The following ADARB2 variants were observed in gnomAD, a reference collection of about 807,000 sequenced individuals.
ADARB2 encodes the protein inactive double-stranded RNA-specific editase B2.
In ADARB2, 25 loss-of-function variants were observed where a neutral mutation model predicts 62.2. The ratio of observed to expected loss-of-function variants is 0.40; its 90% CI spans 0.29 to 0.56. ADARB2 has a LOEUF of 0.56. Ranked by LOEUF, ADARB2 falls within the 20% of genes least tolerant of loss-of-function variation. The pLI is 0.43. For missense variants in ADARB2, 1,071 were observed against 1,077.4 expected (o/e 0.99, Z 0.08); for synonymous variants, 572 against 500.8 (o/e 1.14, Z -1.90).
At chr10:1,240,486 T>G (rs1359719632) in intron 5 of ADARB2, 1 of 152,408 alleles carries the variant, frequency 6.6e-6, no homozygotes, top group Non-Finnish European at 1.5e-5. Context: ...AGACATTTTC[T>G]CCACAGGAAG....
intron 3 of ADARB2, among the ~76,000 whole-genome samples, chr10:1,347,959 GAGAC>G (rs1314097261): frequency 9.9e-5 from 15 of 152,024 alleles, no homozygotes; most frequent in African/African-American, 2.2e-4. Flanking sequence ...GGGGTGGAGA[GAGAC>G]AGACAGAGAC....
Position 1,248,349 on chromosome 10 carries a change from T to C in ADARB2, c.1193-6050A>G, listed in dbSNP as rs1831006223. ...GCAAGGGCGTGCAACGTGTCAGTCA[T>C]GAGCTGTGGGCACTCACAGGCGTGC... On this transcript the variant is annotated intron_variant, in intron 4 of 9. Transcript: ENST00000381312. Among the ~76,000 whole-genome samples the C allele has an allele frequency of 2.0e-5, 3 of 150,540 alleles. 1 individual carries two copies. Among genetic ancestry groups the C allele is most frequent in the Non-Finnish European group, 4.4e-5 (3 of 67,788 alleles).
chr10:1,253,942 C>T (rs1392081558), intron 4 of ADARB2, among the ~76,000 whole-genome samples: 1 of 148,002 alleles, frequency 6.8e-6, no homozygotes. Flanking sequence ...GCGATGGGCT[C>T]TGGGTTAGGA....
intron 1 of ADARB2, among the ~76,000 whole-genome samples, chr10:1,708,794 C>T (rs1834920395): frequency 6.6e-6 from 1 of 152,224 alleles, no homozygotes; most frequent in Non-Finnish European, 1.5e-5. Context: ...ACGTCACCAT[C>T]ACATATGAAA....
chr10:1,389,941 T>A (rs2892335), intron 1 of ADARB2, among the ~76,000 whole-genome samples: 3 of 151,842 alleles, frequency 2.0e-5, no homozygotes, highest in African/African-American at 7.3e-5. Context: ...CCACCTCCAC[T>A]TCTAGATATT....
chr10:1,533,655 A>G (rs1029730183), intron 1 of ADARB2, among the ~76,000 whole-genome samples: 1 of 152,210 alleles, frequency 6.6e-6, no homozygotes, highest in Non-Finnish European at 1.5e-5. Flanking sequence ...AGGATGAGTT[A>G]ATGATTTCTG....
intron 1 of ADARB2, among the ~76,000 whole-genome samples, chr10:1,616,403 T>C (rs1833635383): frequency 6.6e-6 from 1 of 152,040 alleles, no homozygotes; most frequent in Non-Finnish European, 1.5e-5. Flanking sequence ...TGCTGAGCTC[T>C]GCATCCTGGG....
At chr10:1,473,414 ACT>A (rs370575309) in intron 1 of ADARB2, among the ~76,000 whole-genome samples, 39 of 151,240 alleles carry the variant, frequency 2.6e-4, no homozygotes, top group Admixed American at 7.9e-4. Flanking sequence ...ACAGGGCCTC[ACT>A]CTGTTGCTCG....
chr10:1,481,427 G>A (rs1251877714), intron 1 of ADARB2, among the ~76,000 whole-genome samples: 1 of 152,190 alleles, frequency 6.6e-6, no homozygotes, highest in Non-Finnish European at 1.5e-5. Flanking sequence ...AAAAGCATAG[G>A]TGATGAAAGA....
At chr10:1,685,137 T>G (rs1342861348) in intron 1 of ADARB2, among the ~76,000 whole-genome samples, 5 of 152,200 alleles carry the variant, frequency 3.3e-5, no homozygotes, top group African/African-American at 1.2e-4. Flanking sequence ...ATTCTCTTTC[T>G]ATGAGCAGGG....
intron 1 of ADARB2, chr10:1,535,042 G>A (rs2131963383): frequency 6.0e-6 from 1 of 166,966 alleles, no homozygotes. Context: ...TTATTCACAG[G>A]TGAATGAGCT....
At chr10:1,597,742 A>G (rs1201879004) in intron 1 of ADARB2, among the ~76,000 whole-genome samples, 1 of 152,234 alleles carries the variant, frequency 6.6e-6, no homozygotes, top group Non-Finnish European at 1.5e-5. Flanking sequence ...AAATAGAACT[A>G]CCATTCAGTC....
At chr10:1,510,116 C>CTTTCTTT (rs1564312508) in intron 1 of ADARB2, among the ~76,000 whole-genome samples, 1 of 101,794 alleles carries the variant, frequency 9.8e-6, no homozygotes, top group African/African-American at 4.3e-5. Flanking sequence ...TTCTCTCTTT[C>CTTTCTTT]TTTCTTTCTT....
intron 6 of ADARB2, among the ~76,000 whole-genome samples, chr10:1,231,727 T>C (rs1420638735): frequency 6.6e-6 from 1 of 152,154 alleles, no homozygotes; most frequent in African/African-American, 2.4e-5. Flanking sequence ...CAAATTCACT[T>C]ACAGAGAACC....
intron 3 of ADARB2, among the ~76,000 whole-genome samples, chr10:1,310,831 G>A: frequency 6.6e-6 from 1 of 152,190 alleles, no homozygotes; most frequent in East Asian, 1.9e-4. Context: ...GTAAAGACAA[G>A]GAGTAGTTTT....
chr10:1,576,398 A>AG (rs1323757329), intron 1 of ADARB2, among the ~76,000 whole-genome samples: 1 of 148,402 alleles, frequency 6.7e-6, no homozygotes, highest in Non-Finnish European at 1.5e-5. Flanking sequence ...GAGTCACAGG[A>AG]GGGGGCTCAG....
At chr10:1,456,659 G>A (rs759488582) in intron 1 of ADARB2, among the ~76,000 whole-genome samples, 13 of 152,230 alleles carry the variant, frequency 8.5e-5, no homozygotes, top group African/African-American at 1.7e-4. Context: ...CGAGACGCGC[G>A]GGGCGTGGTA....
chr10:1,563,626 CTTTTT>C (rs137871175), intron 1 of ADARB2, among the ~76,000 whole-genome samples: 1 of 149,748 alleles, frequency 6.7e-6, no homozygotes, highest in Non-Finnish European at 1.5e-5. Context: ...TTTCATTTTA[CTTTTT>C]TTTTTATTAT....
At chr10:1,439,481 C>T (rs59532029) in intron 1 of ADARB2, among the ~76,000 whole-genome samples, 44 of 80,550 alleles carry the variant, frequency 5.5e-4, no homozygotes, top group Middle Eastern at 0.011. Flanking sequence ...TCCTTCACTA[C>T]GGGGCTTCTG....
Sources: allele counts gnomAD v4.1 joint callset (sites outside exome capture counted in the v4.1 genomes callset), GRCh38; gene constraint gnomAD v4.1.1; transcripts MANE v1.5; gene names NCBI Gene and HGNC (gene_info 2026-07-23, HGNC 2026-07-21).